Variants in AP3D1 observed in about 807,000 individuals in gnomAD.
AP3D1 encodes AP-3 complex subunit delta-1.
AP3D1 carries 51 observed loss-of-function variants against 147.6 expected under a neutral mutation model. The ratio of observed to expected loss-of-function variants is 0.35; its 90% CI spans 0.28 to 0.44. The LOEUF is 0.44. Ranked by LOEUF, AP3D1 falls within the 20% of genes least tolerant of loss-of-function variation. The pLI, the probability that AP3D1 is intolerant of heterozygous loss-of-function variation, is 1.00. For missense variants in AP3D1, 1,421 were observed against 1,624.2 expected, an observed-to-expected ratio of 0.87 and a Z score of 2.15; for synonymous variants, 760 against 663.0, an observed-to-expected ratio of 1.15 and a Z score of -2.25.
intron 21 of AP3D1, 123 bp downstream of exon 21, chr19:2,114,625 C>CCCCCCCCCCCCCCCCCCCCCA: frequency 1.5e-6 from 1 of 652,686 alleles, no homozygotes; most frequent in East Asian, 2.9e-5. Flanking sequence ...GGGGAAGGCC[C>CCCCCCCCCCCCCCCCCCCCCA]GCCCGCACCC....
At chr19:2,159,594 T>TAGCC (rs1410149909) in intron 1 of AP3D1, among the ~76,000 whole-genome samples, 1 of 152,002 alleles carries the variant, frequency 6.6e-6, no homozygotes, top group Non-Finnish European at 1.5e-5. Flanking sequence ...TTCACCATGT[T>TAGCC]AGCCAGGATG....
intron 5 of AP3D1, among the ~76,000 whole-genome samples, chr19:2,130,836 T>C (rs774621478): frequency 2.6e-5 from 4 of 152,174 alleles, no homozygotes; most frequent in Non-Finnish European, 4.4e-5. Context: ...GGAACGAGGG[T>C]GTGCTGGGAA....
chr19:2,144,711 T>C (rs1236548631), intron 1 of AP3D1, among the ~76,000 whole-genome samples: 1 of 152,136 alleles, frequency 6.6e-6, no homozygotes, highest in Non-Finnish European at 1.5e-5. Flanking sequence ...GAGACCAGCT[T>C]GGTCAACATG....
Position 2,121,851 on chromosome 19 carries a change from G to C in AP3D1, c.984C>G (p.Ser328=). The part of the protein sequence containing the change: ...NLKYLGLLAM[S]KILKTHPKSV... Reference sequence around the variant, plus strand: ...ACTTGGGGTGGGTCTTCAGGATCTTGGACATTGCCAGCAGCCCCAGGTACT... The same window carrying C: ...ACTTGGGGTGGGTCTTCAGGATCTTCGACATTGCCAGCAGCCCCAGGTACT... The change falls in exon 12 of 32, where the codon TCC becomes TCG. Residue 328 remains serine (S), a synonymous_variant. Coordinates refer to ENST00000643116, the MANE Select transcript of AP3D1 (RefSeq NM_001261826.3). 1 of 1,609,756 alleles carries C rather than the reference G, an allele frequency of 6.2e-7. No homozygotes were observed. Among genetic ancestry groups the C allele is most frequent in the Non-Finnish European group, 8.5e-7 (1 of 1,178,564 alleles).
At chr19:2,124,397 C>T (rs926384575) in intron 9 of AP3D1, among the ~76,000 whole-genome samples, 2 of 152,222 alleles carry the variant, frequency 1.3e-5, no homozygotes. Context: ...GCTGACTCTG[C>T]TGCGTCCTTT....
At chr19:2,143,945 G>C (rs2019290916) in intron 1 of AP3D1, among the ~76,000 whole-genome samples, 1 of 152,048 alleles carries the variant, frequency 6.6e-6, no homozygotes, top group Non-Finnish European at 1.5e-5. Context: ...AAATTAGCCG[G>C]GGTGGTGGCT....
At chr19:2,154,281 T>TC (rs1177606329), upstream of AP3D1, among the ~76,000 whole-genome samples, 1 of 133,890 alleles carries the variant, frequency 7.5e-6, no homozygotes, top group East Asian at 2.0e-4. Context: ...TATGGTTTTT[T>TC]TTTTCTTTTT....
In AP3D1 at chr19:2,138,622, C is replaced by T. The variant is rs749746876; in HGVS notation, c.189G>A (p.Thr63=). 5.0e-6 allele frequency: 8 copies of T among 1,613,578 alleles called. No homozygotes were observed. Among genetic ancestry groups the T allele is most frequent in the East Asian group, 4.5e-5 (2 of 44,896 alleles). ...CTGGCCACTGGGAGGCACTTACATA[C>T]GTCAGCTTGCAGACCGCGTTCGCCT... ...AVKANAVCKL[T]YLQMLGYDIS... The change falls in exon 2 of 32, where the codon ACG becomes ACA. Residue 63 remains threonine (T), a synonymous_variant. Coordinates refer to ENST00000643116, the MANE Select transcript of AP3D1 (RefSeq NM_001261826.3).
chr19:2,130,181 G>A (rs924170729), intron 6 of AP3D1, among the ~76,000 whole-genome samples: 32 of 152,150 alleles, frequency 2.1e-4, no homozygotes, highest in African/African-American at 5.8e-4. Context: ...TCAGGGACAC[G>A]CCAGACTCAC....
chr19:2,151,476 G>T lies in AP3D1; in HGVS notation c.-142C>A, dbSNP rs1009827168. Reference sequence around the variant, plus strand: ...AGCTCCCAGGCCAGGGCGGCGGCGGGGTCCAAGGACCGCGGCAGAGGCGGC... The same window carrying T: ...AGCTCCCAGGCCAGGGCGGCGGCGGTGTCCAAGGACCGCGGCAGAGGCGGC... On this transcript the variant is annotated 5_prime_UTR_variant, in exon 1 of 32. Coordinates refer to ENST00000643116, the MANE Select transcript of AP3D1 (RefSeq NM_001261826.3). 1 of 349,112 alleles carries T rather than the reference G, an allele frequency of 2.9e-6. No homozygotes were observed. The highest frequency in any genetic ancestry group is 4.1e-6 in the Non-Finnish European group (1 of 245,172). 21.6% of individuals were successfully genotyped at this position (349,112 alleles called of 1,614,324 possible). A position where few individuals can be genotyped will look rare whatever the true frequency, so the allele number is the denominator to read the frequency against.
At chr19:2,116,423 C>T (rs894563063) in intron 17 of AP3D1, 145 bp from the exon 18 acceptor site, 17 of 1,223,088 alleles carry the variant, frequency 1.4e-5, no homozygotes, top group Non-Finnish European at 1.6e-5. Flanking sequence ...AACCAAGGCC[C>T]GCAATTGGGA....
At chr19:2,121,914 G>T in intron 11 of AP3D1, 35 bp from the exon 12 acceptor site, 1 of 1,580,558 alleles carries the variant, frequency 6.3e-7, no homozygotes, top group Non-Finnish European at 8.6e-7. Context: ...TCACTGGGAC[G>T]GACACAGGCA....
intron 12 of AP3D1, 34 bp from the exon 13 acceptor site, chr19:2,121,345 G>C: frequency 6.2e-7 from 1 of 1,609,708 alleles, no homozygotes; most frequent in Non-Finnish European, 8.5e-7. Flanking sequence ...GGTGAGAGCG[G>C]ACCCAGCCTG....
chr19:2,138,108 G>A (rs1393632207), intron 2 of AP3D1, among the ~76,000 whole-genome samples: 2 of 152,198 alleles, frequency 1.3e-5, no homozygotes, highest in African/African-American at 4.8e-5. Context: ...TGGCGAATCG[G>A]CTCCTTGAAA....
intron 8 of AP3D1, 86 bp from the exon 9 acceptor site, chr19:2,127,287 C>A: frequency 1.4e-6 from 2 of 1,436,576 alleles, no homozygotes; most frequent in Admixed American, 1.8e-5. Context: ...CAGCTGGAGA[C>A]GGCCTCCGCC....
intron 11 of AP3D1, 101 bp downstream of exon 11, chr19:2,123,257 G>T: frequency 8.3e-7 from 1 of 1,205,738 alleles, no homozygotes; most frequent in Non-Finnish European, 1.2e-6. Context: ...GACAGCTGGG[G>T]TTGCAGATGC....
At chr19:2,143,291 A>C (rs1356673297) in intron 1 of AP3D1, among the ~76,000 whole-genome samples, 3 of 118,288 alleles carry the variant, frequency 2.5e-5, no homozygotes, top group African/African-American at 1.0e-4. Context: ...CCCAGGCTGG[A>C]GTGCAGCAGC....
At chr19:2,104,029 C>T (rs534738038) in intron 31 of AP3D1, among the ~76,000 whole-genome samples, 4 of 151,430 alleles carry the variant, frequency 2.6e-5, no homozygotes, top group East Asian at 2.0e-4. Flanking sequence ...CAAGACCCCA[C>T]GCTCAAGACC....
At chr19:2,152,865 G>A (rs1266293608), upstream of AP3D1, among the ~76,000 whole-genome samples, 2 of 151,536 alleles carry the variant, frequency 1.3e-5, no homozygotes, top group Non-Finnish European at 2.9e-5. Context: ...AACAGAGCGA[G>A]ACTCTTGTCT....
Sources: allele counts gnomAD v4.1 joint callset (sites outside exome capture counted in the v4.1 genomes callset), GRCh38; gene constraint gnomAD v4.1.1; transcripts MANE v1.5; gene names NCBI Gene and HGNC (gene_info 2026-07-23, HGNC 2026-07-21).